CRPPA: variants seen among roughly 807,000 people sequenced by gnomAD.
The protein encoded by CRPPA is D-ribitol-5-phosphate cytidylyltransferase.
CRPPA carries 43 observed loss-of-function variants against 52.0 expected under a neutral mutation model. The ratio of observed to expected loss-of-function variants is 0.83; its 90% CI spans 0.65 to 1.07. The LOEUF (loss-of-function observed/expected upper bound fraction) is 1.07, where lower values mean the gene tolerates loss of function less well. Among genes scored for constraint, CRPPA ranks in the 50% least tolerant of loss-of-function variants. The pLI is 0.00. For synonymous variants in CRPPA, 250 were observed against 203.5 expected, an observed-to-expected ratio of 1.23 and a Z score of -1.94; for missense variants, 629 against 551.7, an observed-to-expected ratio of 1.14 and a Z score of -1.40.
chr7:16,278,089 G>T, intron 6 of CRPPA, 40 bp downstream of exon 6: 2 of 1,011,900 alleles, frequency 2.0e-6, no homozygotes, highest in South Asian at 1.4e-5. Flanking sequence ...AAAAGTTTTT[G>T]GCAATCAAAG....
At chr7:16,397,879 T>C (rs1583577344) in intron 2 of CRPPA, among the ~76,000 whole-genome samples, 1 of 152,210 alleles carries the variant, frequency 6.6e-6, no homozygotes, top group African/African-American at 2.4e-5. Flanking sequence ...GTGTAACACG[T>C]GACCAACGTG....
At chr7:16,363,650 C>G (rs1786515235) in intron 3 of CRPPA, among the ~76,000 whole-genome samples, 1 of 152,032 alleles carries the variant, frequency 6.6e-6, no homozygotes, top group African/African-American at 2.4e-5. Context: ...AAGCATTATA[C>G]TTAAGAAATG....
chr7:16,209,741 T>C (rs149663902), intron 9 of CRPPA, among the ~76,000 whole-genome samples: 1 of 152,318 alleles, frequency 6.6e-6, no homozygotes, highest in East Asian at 1.9e-4. Context: ...GGAATGTATA[T>C]AAGAACACGC....
intron 9 of CRPPA, among the ~76,000 whole-genome samples, chr7:16,208,391 G>A (rs2128395308): frequency 6.6e-6 from 1 of 152,094 alleles, no homozygotes; most frequent in South Asian, 2.1e-4. Context: ...GTTCTATACT[G>A]AATCTCCTTT....
intron 1 of CRPPA, among the ~76,000 whole-genome samples, chr7:16,408,407 T>C (rs138948899): frequency 4.5e-4 from 68 of 152,198 alleles, no homozygotes; most frequent in African/African-American, 1.4e-3. Context: ...GTAAAGGCCA[T>C]GGCAAGGTCC....
intron 2 of CRPPA, among the ~76,000 whole-genome samples, chr7:16,382,807 T>C (rs1294075377): frequency 6.6e-6 from 1 of 152,202 alleles, no homozygotes. Flanking sequence ...TTCTGCATAC[T>C]TCACGTAGTT....
chr7:16,376,587 T>C (rs561366966), intron 2 of CRPPA, among the ~76,000 whole-genome samples: 31 of 152,216 alleles, frequency 2.0e-4, no homozygotes, highest in African/African-American at 6.7e-4. Context: ...CATGAAATAA[T>C]TGATATGGAT....
At chr7:16,404,955 T>C (rs79027278) in intron 2 of CRPPA, among the ~76,000 whole-genome samples, 3,084 of 152,280 alleles carry the variant, frequency 0.02, 95 homozygotes, top group African/African-American at 0.071. Flanking sequence ...TTTCATTTGG[T>C]CTATGAAATT....
intron 9 of CRPPA, among the ~76,000 whole-genome samples, chr7:16,128,054 C>G (rs1782612467): frequency 1.3e-5 from 2 of 152,118 alleles, no homozygotes; most frequent in African/African-American, 4.8e-5. Flanking sequence ...ACCACACTGT[C>G]TTCCACAATG....
chr7:16,134,620 G>A (rs1423394545), intron 9 of CRPPA, among the ~76,000 whole-genome samples: 1 of 152,160 alleles, frequency 6.6e-6, no homozygotes, highest in African/African-American at 2.4e-5. Context: ...ACCCAATGTT[G>A]TTCAAGGGTA....
intron 8 of CRPPA, among the ~76,000 whole-genome samples, chr7:16,247,604 A>T (rs908611968): frequency 3.3e-5 from 5 of 152,330 alleles, no homozygotes; most frequent in Admixed American, 1.3e-4. Context: ...TGTGAGAATT[A>T]GCAAAATGTG....
intron 9 of CRPPA, among the ~76,000 whole-genome samples, chr7:16,125,291 A>G (rs1782556033): frequency 6.7e-6 from 1 of 150,220 alleles, no homozygotes; most frequent in African/African-American, 2.4e-5. Flanking sequence ...ACCAACAACA[A>G]CTGCAAATAA....
chr7:16,204,441 G>C (rs1484237882), intron 9 of CRPPA, among the ~76,000 whole-genome samples: 1 of 152,046 alleles, frequency 6.6e-6, no homozygotes, highest in African/African-American at 2.4e-5. Flanking sequence ...TGAACAAAGA[G>C]GGGAATGATA....
intron 1 of CRPPA, among the ~76,000 whole-genome samples, chr7:16,406,564 A>G (rs539709182): frequency 6.6e-6 from 1 of 152,354 alleles, no homozygotes; most frequent in Non-Finnish European, 1.5e-5. Flanking sequence ...ATTACATAGA[A>G]TATCTTACAT....
intron 2 of CRPPA, among the ~76,000 whole-genome samples, chr7:16,383,901 C>T (rs1367994649): frequency 6.6e-6 from 1 of 152,204 alleles, no homozygotes. Flanking sequence ...CGTCTGTCAC[C>T]CCTTTCTTTG....
chr7:16,158,631 C>CTAG (rs1320064830), intron 9 of CRPPA, among the ~76,000 whole-genome samples: 2 of 152,086 alleles, frequency 1.3e-5, no homozygotes, highest in African/African-American at 4.8e-5. Flanking sequence ...ACAGAGTAAA[C>CTAG]TAGTATATTA....
At chr7:16,284,219 C>T (rs1784377749) in intron 5 of CRPPA, among the ~76,000 whole-genome samples, 1 of 151,986 alleles carries the variant, frequency 6.6e-6, no homozygotes, top group African/African-American at 2.4e-5. Flanking sequence ...TAAGAAGTGA[C>T]CTCTGCTATT....
chr7:16,103,110 G>T (rs1583356935), intron 9 of CRPPA, among the ~76,000 whole-genome samples: 1 of 152,164 alleles, frequency 6.6e-6, no homozygotes, highest in South Asian at 2.1e-4. Context: ...GTACACCATG[G>T]AATACTATGC....
intron 9 of CRPPA, among the ~76,000 whole-genome samples, chr7:16,113,416 T>A (rs1239937922): frequency 6.6e-6 from 1 of 152,006 alleles, no homozygotes; most frequent in Non-Finnish European, 1.5e-5. Context: ...TAATAATTTA[T>A]GGTTGTAAAT....
Sources: gnomAD v4.1 joint callset for allele counts (sites outside exome capture counted in the v4.1 genomes callset) on GRCh38, gnomAD v4.1.1 for gene constraint, MANE v1.5 for transcripts, NCBI Gene and HGNC (gene_info 2026-07-23, HGNC 2026-07-21) for gene names.